XRCC1: variants seen among roughly 807,000 people sequenced by gnomAD.
XRCC1 encodes DNA repair protein XRCC1.
In XRCC1, 52 loss-of-function variants were observed where a neutral mutation model predicts 83.3. That is an observed-to-expected ratio of 0.62 (90% CI 0.50 to 0.79). The LOEUF is 0.79. Ranked by LOEUF, XRCC1 falls within the 30% of genes least tolerant of loss-of-function variation. The pLI, the probability that XRCC1 is intolerant of heterozygous loss-of-function variation, is 0.00. For synonymous variants in XRCC1, 281 were observed against 312.6 expected (o/e 0.90, Z 1.07); for missense variants, 793 against 823.5 (o/e 0.96, Z 0.45).
At chr19:43,560,493 G>C (rs972689298) in intron 3 of XRCC1, among the ~76,000 whole-genome samples, 1 of 152,122 alleles carries the variant, frequency 6.6e-6, no homozygotes, top group African/African-American at 2.4e-5. Flanking sequence ...AGTGACAGGA[G>C]TGCTGGCTTT....
At chr19:43,564,446 A>T (rs1442208907) in intron 2 of XRCC1, among the ~76,000 whole-genome samples, 2 of 152,118 alleles carry the variant, frequency 1.3e-5, no homozygotes, top group Non-Finnish European at 2.9e-5. Context: ...TGCTTGGTGT[A>T]TGAGTTTCCT....
intron 2 of XRCC1, among the ~76,000 whole-genome samples, chr19:43,567,961 G>A (rs1254182374): frequency 1.4e-5 from 2 of 146,888 alleles, no homozygotes; most frequent in Non-Finnish European, 3.0e-5. Flanking sequence ...TGCAACCTCC[G>A]CCTCCCGGGT....
intron 2 of XRCC1, among the ~76,000 whole-genome samples, chr19:43,565,589 T>A (rs2682552): frequency 0.17 from 25,637 of 152,230 alleles, 2,230 homozygotes; most frequent in Non-Finnish European, 0.19. Context: ...CTACTGCATA[T>A]ATAACTATTT....
At chr19:43,544,940 G>A (rs1308716990) in intron 14 of XRCC1, among the ~76,000 whole-genome samples, 4 of 152,110 alleles carry the variant, frequency 2.6e-5, no homozygotes, top group South Asian at 2.1e-4. Context: ...GAGCCACCAC[G>A]CCTGGCCTGC....
intron 2 of XRCC1, among the ~76,000 whole-genome samples, chr19:43,569,968 G>C (rs1339043735): frequency 1.3e-5 from 2 of 152,166 alleles, no homozygotes. Context: ...ACCCTTGCAG[G>C]GGTACTGACA....
At chr19:43,565,052 G>C (rs911308342) in intron 2 of XRCC1, among the ~76,000 whole-genome samples, 2 of 152,084 alleles carry the variant, frequency 1.3e-5, no homozygotes, top group African/African-American at 2.4e-5. Context: ...TCACAGCTCT[G>C]GTTCCAGCTC....
chr19:43,575,453 C>T lies in XRCC1; in HGVS notation c.6G>A (p.Pro2=). M[P]EIRLRHVVSC... Reference sequence around the variant, plus strand: ...ACACGACATGGCGGAGGCGGATCTCCGGCATGTCAACGTCGTGGGCTTCGC... The same window carrying T: ...ACACGACATGGCGGAGGCGGATCTCTGGCATGTCAACGTCGTGGGCTTCGC... Residue 2 remains proline (P), a synonymous_variant, in exon 1 of 17, where the codon CCG becomes CCA. Transcript: ENST00000262887. 1.2e-6 allele frequency: 2 copies of T among 1,612,038 alleles called. No homozygotes were observed. Among genetic ancestry groups the T allele is most frequent in the Non-Finnish European group, 1.7e-6 (2 of 1,178,558 alleles).
intron 14 of XRCC1, 68 bp downstream of exon 14, chr19:43,545,750 A>G (rs1236431406): frequency 8.2e-6 from 13 of 1,585,862 alleles, no homozygotes; most frequent in African/African-American, 1.3e-5. Context: ...AGGGCTGGCC[A>G]GGGCAAGTCC....
rs1233848552 is a variant in XRCC1 at position 43,546,875 on chromosome 19, G to C, written c.1293+9C>G. On this transcript the variant is annotated intron_variant, in intron 11 of 16. Coordinates refer to ENST00000262887, the MANE Select transcript of XRCC1 (RefSeq NM_006297.3). The stretch of plus-strand genomic sequence containing the variant: ...TACACCCTCCCCCACTGGACAGGGG[G>C]CATCAGACCTTCTGAGGAAGCTTGG... 6.2e-7 allele frequency: 1 copy of C among 1,613,764 alleles called. No individual in the cohort carries two copies. The highest frequency in any genetic ancestry group is 1.3e-5 in the African/African-American group (1 of 75,000).
Position 43,574,910 on chromosome 19 carries a change from C to G in XRCC1, c.144G>C (p.Gln48His), listed in dbSNP as rs1972839497. 1 of 1,613,582 alleles carries G rather than the reference C, an allele frequency of 6.2e-7. No homozygotes were observed. The highest frequency in any genetic ancestry group is 1.7e-5 in the Admixed American group (1 of 59,984). ...AGEKTISVVL[Q>H]LEKEEQIHSV... ...GGAGGAGGTGGGGTGGCAGGATCAC[C>G]TGTAGGACCACAGAGATGGTCTTCT... is the stretch of plus-strand genomic sequence containing the variant. Residue 48 changes from glutamine to histidine, a missense_variant and splice_region_variant, in exon 2 of 17, where the codon CAG becomes CAC. Physicochemically the swap from Gln to His is conservative, Grantham distance 24. Transcript: ENST00000262887.
In XRCC1 at chr19:43,554,851, T is replaced by TAGATGAG. The variant is rs769150487; in HGVS notation, c.256-54_256-48dup. ...GCATGAGAACCAGGGCAGGTTGGCT[T>TAGATGAG]AGATGAGAGCTTCTAGGGGCTGGGG... On this transcript the variant is annotated intron_variant, in intron 3 of 16. Coordinates refer to ENST00000262887, the MANE Select transcript of XRCC1 (RefSeq NM_006297.3). 7.6e-5 allele frequency: 120 copies of TAGATGAG among 1,581,794 alleles called. No homozygotes were observed. In the Admixed American group the frequency reaches 1.0e-3, roughly 14 times the overall value.
At chr19:43,571,408 T>C (rs569258934) in intron 2 of XRCC1, among the ~76,000 whole-genome samples, 3 of 152,338 alleles carry the variant, frequency 2.0e-5, no homozygotes, top group Non-Finnish European at 4.4e-5. Flanking sequence ...CTCATTCCCC[T>C]TCATTAAGTT....
At position 43,553,497 on chromosome 19, in the gene XRCC1, T is replaced by C; in HGVS notation, c.505A>G (p.Lys169Glu). 1 of 1,614,154 alleles carries C rather than the reference T, an allele frequency of 6.2e-7. No individual in the cohort carries two copies. The highest frequency in any genetic ancestry group is 8.5e-7 in the Non-Finnish European group (1 of 1,180,026). ...EAPSQKVTVT[K>E]LGQFRVKEED... is the part of the protein sequence containing the mutation. ...TCCTTCACACGGAACTGGCCAAGCT[T>C]GGTCACTGTCACCTTCTAAGGTCCC... The change falls in exon 6 of 17, where the codon AAG becomes GAG. Residue 169 changes from lysine (K) to glutamate (E), a missense_variant. Transcript: ENST00000262887.
At chr19:43,567,798 C>T (rs1188264530) in intron 2 of XRCC1, among the ~76,000 whole-genome samples, 2 of 151,648 alleles carry the variant, frequency 1.3e-5, no homozygotes, top group African/African-American at 4.8e-5. Context: ...GTTCCTGAAA[C>T]AAACATGGCA....
chr19:43,561,743 T>TG (rs1972701401), intron 2 of XRCC1, among the ~76,000 whole-genome samples: 1 of 152,194 alleles, frequency 6.6e-6, no homozygotes, highest in African/African-American at 2.4e-5. Context: ...GTCTGACAGA[T>TG]GAAGATGCAG....
In XRCC1 at chr19:43,552,281, G is replaced by GT. The variant is rs1282465615; in HGVS notation, c.824-7_824-6insA. 1.3e-6 allele frequency: 2 copies of GT among 1,583,988 alleles called. No homozygotes were observed. Reference sequence around the variant, plus strand: ...GGTACGAGTTGGAGCTGGCACTGGAGAAGACAAAGAGTAGATTAGGTTAGC... The same window carrying GT: ...GGTACGAGTTGGAGCTGGCACTGGAGTAAGACAAAGAGTAGATTAGGTTAGC... On this transcript the variant is annotated splice_polypyrimidine_tract_variant and splice_region_variant and intron_variant, in intron 8 of 16. Coordinates refer to ENST00000262887, the MANE Select transcript of XRCC1 (RefSeq NM_006297.3).
intron 3 of XRCC1, among the ~76,000 whole-genome samples, chr19:43,555,867 A>G (rs3213346): frequency 0.016 from 2,467 of 152,276 alleles, 39 homozygotes; most frequent in Middle Eastern, 0.024. Context: ...GATCCCAGAT[A>G]GCAAATAACT....
intron 2 of XRCC1, among the ~76,000 whole-genome samples, chr19:43,567,183 T>G (rs954418617): frequency 6.6e-6 from 1 of 152,110 alleles, no homozygotes; most frequent in African/African-American, 2.4e-5. Flanking sequence ...AAGTGACTGT[T>G]TAATGGTTAT....
chr19:43,545,962 G>C lies in XRCC1; in HGVS notation c.1482-5C>G. 1 of 1,613,762 alleles carries C rather than the reference G, an allele frequency of 6.2e-7. No individual in the cohort carries two copies. The highest frequency in any genetic ancestry group is 8.5e-7 in the Non-Finnish European group (1 of 1,179,832). ...TGTTCCTTCTGCTCTGCCACCCTGG[G>C]GGTGCCAAGAGGAGTAGAGAGTGAG... On this transcript the variant is annotated splice_polypyrimidine_tract_variant and splice_region_variant and intron_variant, in intron 13 of 16. Coordinates refer to ENST00000262887, the MANE Select transcript of XRCC1 (RefSeq NM_006297.3).
Sources: allele counts gnomAD v4.1 joint callset (sites outside exome capture counted in the v4.1 genomes callset), GRCh38; gene constraint gnomAD v4.1.1; transcripts MANE v1.5; gene names NCBI Gene and HGNC (gene_info 2026-07-23, HGNC 2026-07-21).